Variants in GLRA1 observed in about 807,000 individuals in gnomAD.
GLRA1 encodes the protein glycine receptor alpha 1, also known as glycine receptor subunit alpha-1.
A neutral mutation model predicts 48.3 loss-of-function variants in GLRA1; 37 were observed. The ratio of observed to expected loss-of-function variants is 0.77; its 90% CI spans 0.59 to 1.01. The LOEUF (loss-of-function observed/expected upper bound fraction) is 1.01, where lower values mean the gene tolerates loss of function less well. GLRA1 is among the 50% of genes least tolerant of loss of function. The pLI, the probability that GLRA1 is intolerant of heterozygous loss-of-function variation, is 0.00. For synonymous variants in GLRA1, 196 were observed against 210.7 expected, an observed-to-expected ratio of 0.93 and a Z score of 0.60; for missense variants, 427 against 571.0, an observed-to-expected ratio of 0.75 and a Z score of 2.57.
intron 1 of GLRA1, among the ~76,000 whole-genome samples, chr5:151,903,746 A>C (rs1754415669): frequency 6.6e-6 from 1 of 152,170 alleles, no homozygotes; most frequent in Non-Finnish European, 1.5e-5. Context: ...CCAATGACCA[A>C]ATGCTTTCTA....
chr5:151,856,241 C>T, intron 5 of GLRA1, 60 bp downstream of exon 5: 1 of 1,147,182 alleles, frequency 8.7e-7, no homozygotes, highest in Non-Finnish European at 1.3e-6. Context: ...GGAATTTCTG[C>T]CTATCCCATG....
intron 4 of GLRA1, among the ~76,000 whole-genome samples, chr5:151,859,166 A>G (rs914257354): frequency 6.6e-6 from 1 of 152,154 alleles, no homozygotes; most frequent in African/African-American, 2.4e-5. Context: ...GTGTAAGGAC[A>G]TTTTTTCACC....
chr5:151,904,811 A>G (rs1256640547), intron 1 of GLRA1, among the ~76,000 whole-genome samples: 2 of 152,160 alleles, frequency 1.3e-5, no homozygotes, highest in African/African-American at 4.8e-5. Flanking sequence ...GTTCAATACA[A>G]TTTTTATTGA....
At chr5:151,889,161 T>C (rs1753993035) in intron 2 of GLRA1, among the ~76,000 whole-genome samples, 1 of 152,228 alleles carries the variant, frequency 6.6e-6, no homozygotes. Context: ...AAGGATCCTA[T>C]GGGAAGGTGC....
intron 8 of GLRA1, among the ~76,000 whole-genome samples, chr5:151,823,176 G>A (rs1319411734): frequency 6.6e-6 from 1 of 151,136 alleles, no homozygotes; most frequent in Non-Finnish European, 1.5e-5. Context: ...ATGCAAAACA[G>A]GGGATAGGAA....
At chr5:151,919,028 G>T (rs1754807559) in intron 1 of GLRA1, among the ~76,000 whole-genome samples, 1 of 152,202 alleles carries the variant, frequency 6.6e-6, no homozygotes, top group Non-Finnish European at 1.5e-5. Context: ...AGGACTCAGA[G>T]TGCATTTTAA....
At chr5:151,864,911 C>T (rs983148864) in intron 3 of GLRA1, among the ~76,000 whole-genome samples, 3 of 152,048 alleles carry the variant, frequency 2.0e-5, no homozygotes, top group African/African-American at 7.2e-5. Context: ...ACAGAATGGA[C>T]TTTTCTTATT....
At chr5:151,822,993 T>G in intron 8 of GLRA1, 30 bp from the exon 9 acceptor site, 1 of 1,564,990 alleles carries the variant, frequency 6.4e-7, no homozygotes, top group Non-Finnish European at 8.7e-7. Context: ...GGGCTCTACT[T>G]AAAATAAGAC....
At chr5:151,883,425 C>A in intron 3 of GLRA1, among the ~76,000 whole-genome samples, 1 of 101,466 alleles carries the variant, frequency 9.9e-6, no homozygotes, top group Admixed American at 1.1e-4. Context: ...TGGCACAGAA[C>A]AAACATTTAT....
chr5:151,867,741 A>G (rs1382097877), intron 3 of GLRA1, among the ~76,000 whole-genome samples: 2 of 151,942 alleles, frequency 1.3e-5, no homozygotes, highest in African/African-American at 4.8e-5. Flanking sequence ...GCTGGTGTTC[A>G]AACCTGGTTT....
intron 7 of GLRA1, among the ~76,000 whole-genome samples, chr5:151,832,863 T>G (rs1763460526): frequency 6.6e-6 from 1 of 152,030 alleles, no homozygotes; most frequent in African/African-American, 2.4e-5. Flanking sequence ...TCACAAAGGT[T>G]GAAATGAAGG....
intron 8 of GLRA1, among the ~76,000 whole-genome samples, chr5:151,823,596 C>T (rs1160070731): frequency 6.6e-6 from 1 of 152,210 alleles, no homozygotes; most frequent in African/African-American, 2.4e-5. Context: ...CAGCTTCTTC[C>T]TGCCTCTACG....
intron 7 of GLRA1, among the ~76,000 whole-genome samples, chr5:151,848,639 G>C (rs1337579626): frequency 2.6e-5 from 4 of 152,212 alleles, no homozygotes; most frequent in Admixed American, 2.6e-4. Context: ...ATGGGAGCGG[G>C]AGAGTAAGGA....
intron 3 of GLRA1, among the ~76,000 whole-genome samples, chr5:151,881,492 A>ATT (rs3033233): frequency 5.5e-4 from 64 of 116,838 alleles, no homozygotes; most frequent in African/African-American, 8.0e-4. Context: ...ATGCCCTGCA[A>ATT]TTTTTTTTTT....
At position 151,832,593 on chromosome 5, in the gene GLRA1, T is replaced by C. The variant is rs1219419872; in HGVS notation, c.913-3526A>G. On this transcript the variant is annotated intron_variant, in intron 7 of 8. Coordinates refer to ENST00000274576, the MANE Select transcript of GLRA1 (RefSeq NM_000171.4). ...AGTGAAATAAAGCATGAAGACAAGA[T>C]TAGAGAAAAAAGAATGAAAAGGAAC... Among the ~76,000 whole-genome samples the C allele has an allele frequency of 2.6e-5, 4 of 151,830 alleles. No individual in the cohort carries two copies. The South Asian group carries it at 8.3e-4, about 32-fold the overall frequency.
At chr5:151,911,935 C>T (rs774599730) in intron 1 of GLRA1, among the ~76,000 whole-genome samples, 1 of 152,106 alleles carries the variant, frequency 6.6e-6, no homozygotes, top group Non-Finnish European at 1.5e-5. Flanking sequence ...ACTGCTGGGC[C>T]TTCAATATGC....
intron 7 of GLRA1, among the ~76,000 whole-genome samples, chr5:151,844,099 G>A (rs1452335225): frequency 6.6e-6 from 1 of 151,904 alleles, no homozygotes; most frequent in Non-Finnish European, 1.5e-5. Context: ...GAACTCAGGA[G>A]GCGGAGGTTG....
chr5:151,882,410 T>C (rs977037391), intron 3 of GLRA1, among the ~76,000 whole-genome samples: 1 of 152,230 alleles, frequency 6.6e-6, no homozygotes, highest in Non-Finnish European at 1.5e-5. Context: ...GCCTGGTATG[T>C]AGTAGCATAT....
rs150365097 is a variant in GLRA1, at chr5:151,853,503, G to A, written c.697+1537C>T. Among the ~76,000 whole-genome samples, 1,316 of 150,654 alleles carry A rather than the reference G, an allele frequency of 8.7e-3. 16 individuals carry two copies. The highest frequency in any genetic ancestry group is 0.031 in the African/African-American group (1,251 of 40,916). On this transcript the variant is annotated intron_variant, in intron 6 of 8. Transcript: ENST00000274576. The stretch of plus-strand genomic sequence containing the variant: ...ACTCCTGGCCTCAAGTCATCCACCC[G>A]CCTTGACCTCCCAAAGTGCTGGGAT...
Sources: allele counts gnomAD v4.1 joint callset (sites outside exome capture counted in the v4.1 genomes callset), GRCh38; gene constraint gnomAD v4.1.1; transcripts MANE v1.5; gene names NCBI Gene and HGNC (gene_info 2026-07-23, HGNC 2026-07-21).